The following BET1 variants were observed in gnomAD, a reference collection of about 807,000 sequenced individuals.
The protein encoded by BET1 is Bet1 golgi vesicular membrane trafficking protein, also known as BET1 homolog.
Under a neutral mutation model 13.9 loss-of-function variants are expected in BET1, and 9 were observed. The observed-to-expected ratio is 0.65, with a 90% CI of 0.39 to 1.13. The LOEUF (loss-of-function observed/expected upper bound fraction) is 1.13. BET1 is among the 50% of genes most tolerant of loss of function. BET1 has a pLI of 0.01. For missense variants in BET1, 127 were observed against 133.6 expected (o/e 0.95, Z 0.24); for synonymous variants, 39 against 47.3 (o/e 0.82, Z 0.72).
chr7:93,983,947 T>G (rs1482070868), intron 4 of BET1, among the ~76,000 whole-genome samples: 1 of 152,106 alleles, frequency 6.6e-6, no homozygotes, highest in Non-Finnish European at 1.5e-5. Flanking sequence ...AGGCAACCCA[T>G]GATGCTGCAA....
downstream of BET1, among the ~76,000 whole-genome samples, chr7:93,990,933 A>G (rs1795620941): frequency 6.6e-6 from 1 of 152,136 alleles, no homozygotes; most frequent in Admixed American, 6.5e-5. Context: ...GGCACTTTGC[A>G]TATCTCTTTG....
chr7:94,001,571 T>C (rs1795903686), intron 1 of BET1, among the ~76,000 whole-genome samples: 1 of 152,192 alleles, frequency 6.6e-6, no homozygotes, highest in Non-Finnish European at 1.5e-5. Flanking sequence ...TGACACACTA[T>C]CCATGAAGCT....
intron 6 of BET1, among the ~76,000 whole-genome samples, chr7:93,970,645 C>T (rs951009134): frequency 2.6e-5 from 4 of 151,584 alleles, no homozygotes; most frequent in African/African-American, 9.7e-5. Context: ...GGGAATAGTG[C>T]TCCATAGTAA....
rs890022356 is a variant in BET1, at chr7:93,999,521, C to T, written c.20-227G>A. 7.9e-6 allele frequency: 4 copies of T among 508,776 alleles called. No homozygotes were observed. The Admixed American group carries it at 1.3e-4, about 17-fold the overall frequency. The allele number at this position is 508,776 out of a possible 1,614,324, so 31.5% of individuals were successfully genotyped here. A position where few individuals can be genotyped will look rare whatever the true frequency, so the allele number is the denominator to read the frequency against. ...ATATTCAGTTCAGTTCATTTTGATA[C>T]ACATTTCTGGATTGCTTATTGATTG... On this transcript the variant is annotated intron_variant, in intron 1 of 3. Transcript: ENST00000222547.
At chr7:93,968,890 T>C (rs996137330) in intron 6 of BET1, among the ~76,000 whole-genome samples, 1 of 151,850 alleles carries the variant, frequency 6.6e-6, no homozygotes, top group Non-Finnish European at 1.5e-5. Flanking sequence ...TTGATTCTTA[T>C]GAGTATTATA....
At chr7:93,996,219 C>T (rs200339553) in intron 3 of BET1, 46 bp downstream of exon 3, 73 of 1,352,100 alleles carry the variant, frequency 5.4e-5, no homozygotes, top group South Asian at 2.4e-4. Flanking sequence ...CTATTATTTG[C>T]GAATATTAGA....
chr7:93,993,452 CCATTTA>C lies in BET1; in HGVS notation c.*772_*777del. 1.0e-6 allele frequency: 1 copy of C among 982,404 alleles called. No individual in the cohort carries two copies. The highest frequency in any genetic ancestry group is 1.2e-6 in the Non-Finnish European group (1 of 826,386). The allele number at this position is 982,404 out of a possible 1,614,324, so 60.9% of individuals were successfully genotyped here. A position where few individuals can be genotyped will look rare whatever the true frequency, so the allele number is the denominator to read the frequency against. Reference sequence around the variant, plus strand: ...TGCCTGAGTTTCTTGCATACTATTTCCATTTAAAGTTCAGTAATTACTTAACTTCAC... The same window carrying C: ...TGCCTGAGTTTCTTGCATACTATTTCAAGTTCAGTAATTACTTAACTTCAC... On this transcript the variant is annotated 3_prime_UTR_variant, in exon 4 of 4. Transcript: ENST00000222547.
intron 3 of BET1, among the ~76,000 whole-genome samples, chr7:93,995,837 A>C (rs1333384645): frequency 2.6e-5 from 4 of 152,198 alleles, no homozygotes. Context: ...ATGTATGAGC[A>C]CTTTTTTCAT....
intron 4 of BET1, among the ~76,000 whole-genome samples, chr7:93,976,337 C>G (rs941949016): frequency 2.5e-4 from 34 of 134,944 alleles, no homozygotes; most frequent in African/African-American, 7.7e-4. Flanking sequence ...TTAAAGATAT[C>G]TACTTATTGT....
intron 3 of BET1, chr7:93,996,014 A>G (rs548315493): frequency 9.4e-5 from 47 of 499,778 alleles, no homozygotes; most frequent in African/African-American, 8.9e-4. Flanking sequence ...CTTGTTTTTA[A>G]CAATCATTCT....
intron 2 of BET1, among the ~76,000 whole-genome samples, chr7:93,997,114 A>T (rs2116127373): frequency 1.3e-5 from 2 of 152,256 alleles, no homozygotes; most frequent in South Asian, 4.1e-4. Flanking sequence ...TTCAAACCAA[A>T]ATCTATCTAA....
At chr7:93,977,849 T>A (rs956655255) in intron 4 of BET1, among the ~76,000 whole-genome samples, 2 of 152,156 alleles carry the variant, frequency 1.3e-5, no homozygotes, top group African/African-American at 4.8e-5. Context: ...CCATCATATT[T>A]ATTGACCAGA....
chr7:93,966,604 C>CTT (rs56919360), intron 6 of BET1, among the ~76,000 whole-genome samples: 35 of 142,568 alleles, frequency 2.5e-4, no homozygotes, highest in African/African-American at 6.6e-4. Context: ...AAAAATTCCT[C>CTT]TTTTTTTTTT....
intron 6 of BET1, among the ~76,000 whole-genome samples, chr7:93,966,604 CTTT>C (rs56919360): frequency 1.4e-5 from 2 of 142,592 alleles, no homozygotes; most frequent in African/African-American, 2.5e-5. Flanking sequence ...AAAAATTCCT[CTTT>C]TTTTTTTTTT....
chr7:93,990,391 T>C (rs1795609323), downstream of BET1, among the ~76,000 whole-genome samples: 1 of 152,072 alleles, frequency 6.6e-6, no homozygotes, highest in Non-Finnish European at 1.5e-5. Context: ...ATTATAAATA[T>C]TCTTTTAAAA....
chr7:93,967,205 G>T (rs73718106), intron 6 of BET1, among the ~76,000 whole-genome samples: 1,656 of 151,936 alleles, frequency 0.011, 29 homozygotes, highest in African/African-American at 0.037. Context: ...GAATGCTTTA[G>T]ATTTCCATCC....
intron 3 of BET1, chr7:93,995,924 G>A (rs1795760270): frequency 2.8e-6 from 1 of 357,242 alleles, no homozygotes; most frequent in South Asian, 9.6e-5. Flanking sequence ...GATATCAAGT[G>A]CCTTTTGATT....
At chr7:93,982,816 T>C (rs1428951450) in intron 4 of BET1, among the ~76,000 whole-genome samples, 2 of 152,178 alleles carry the variant, frequency 1.3e-5, no homozygotes, top group Admixed American at 6.5e-5. Context: ...AGAAAGGGGA[T>C]AGTTTTGCTT....
chr7:93,964,542 T>A (rs1795144103), exon 7 of BET1: 1 of 152,086 alleles, frequency 6.6e-6, no homozygotes, highest in Admixed American at 6.6e-5. Context: ...TGATTCCATG[T>A]CCTTGTTATT....
Sources: gnomAD v4.1 joint callset for allele counts (sites outside exome capture counted in the v4.1 genomes callset) on GRCh38, gnomAD v4.1.1 for gene constraint, MANE v1.5 for transcripts, NCBI Gene and HGNC (gene_info 2026-07-23, HGNC 2026-07-21) for gene names.